Variants in MIA2 observed in about 807,000 individuals in gnomAD.
MIA2 encodes MIA SH3 domain ER export factor 2, also known as melanoma inhibitory activity protein 2.
In MIA2, 127 loss-of-function variants were observed where a neutral mutation model predicts 167.8. That is an observed-to-expected ratio of 0.76 (90% CI 0.66 to 0.88). The LOEUF (loss-of-function observed/expected upper bound fraction) is 0.88, where lower values mean the gene tolerates loss of function less well. Ranked by LOEUF, MIA2 falls within the 40% of genes least tolerant of loss-of-function variation. The probability of loss-of-function intolerance (pLI) is 0.00; values close to 1 mark genes in which losing one functional copy is unlikely to be tolerated. For synonymous variants in MIA2, 552 were observed against 541.9 expected (o/e 1.02, Z -0.26); for missense variants, 1,690 against 1,624.7 (o/e 1.04, Z -0.69).
At position 39,326,958 on chromosome 14, in the gene MIA2, C is replaced by G. The variant is rs913371645; in HGVS notation, c.3591C>G (p.Pro1197=). The G allele has an allele frequency of 8.8e-6, 14 of 1,586,196 alleles. No homozygotes were observed. Among genetic ancestry groups the G allele is most frequent in the African/African-American group, 1.4e-5 (1 of 73,084 alleles). ...CDRLTDPHRA[P]SDTGSLSPPW... is the part of the protein sequence containing the mutation. ...GGTTAACCGATCCTCATAGGGCTCC[C>G]TCTGACACTGGGTCTCTGTCACCTC... Residue 1197 remains proline, a synonymous_variant, in exon 25 of 29, where the codon CCC becomes CCG. Transcript: ENST00000640607.
At chr14:39,339,357 ACTT>A (rs2071254329) in intron 25 of MIA2, among the ~76,000 whole-genome samples, 1 of 152,134 alleles carries the variant, frequency 6.6e-6, no homozygotes, top group East Asian at 1.9e-4. Context: ...ATTGATAACT[ACTT>A]CTACTGTAGC....
chr14:39,273,235 CT>C (rs35613060), intron 6 of MIA2, among the ~76,000 whole-genome samples: 50,926 of 131,888 alleles, frequency 0.39, 9,164 homozygotes, highest in East Asian at 0.53. Context: ...AGGAGAAAAG[CT>C]TTTTTTTTTT....
At chr14:39,374,697 T>A (rs958268019) in intron 23 of MIA2, among the ~76,000 whole-genome samples, 5 of 152,230 alleles carry the variant, frequency 3.3e-5, no homozygotes, top group African/African-American at 1.2e-4. Flanking sequence ...AAGGTATGTG[T>A]TCACATGGAA....
At chr14:39,341,596 T>A (rs529083348) in intron 25 of MIA2, among the ~76,000 whole-genome samples, 50 of 152,254 alleles carry the variant, frequency 3.3e-4, no homozygotes, top group African/African-American at 1.2e-3. Context: ...TCCAGTTGTT[T>A]CAATTTTCTT....
intron 2 of MIA2, among the ~76,000 whole-genome samples, chr14:39,237,630 G>A (rs1057337020): frequency 6.6e-5 from 10 of 152,090 alleles, no homozygotes; most frequent in African/African-American, 2.4e-4. Context: ...TTTTTACATA[G>A]CATGCATTGT....
intron 24 of MIA2, among the ~76,000 whole-genome samples, chr14:39,323,067 A>G (rs1185775591): frequency 1.3e-5 from 2 of 152,222 alleles, no homozygotes; most frequent in African/African-American, 4.8e-5. Flanking sequence ...TGAAGCTGCC[A>G]TTACTCCACA....
chr14:39,283,546 C>CT (rs752556993), intron 9 of MIA2, among the ~76,000 whole-genome samples: 6 of 151,778 alleles, frequency 4.0e-5, no homozygotes, highest in African/African-American at 9.7e-5. Context: ...AAAGGGTTCC[C>CT]TTTTTTTTGT....
At chr14:39,373,754 G>C (rs1333116826) in intron 23 of MIA2, among the ~76,000 whole-genome samples, 2 of 152,216 alleles carry the variant, frequency 1.3e-5, no homozygotes, top group African/African-American at 2.4e-5. Flanking sequence ...CTGGGAGGCA[G>C]AGGTTGCAGT....
rs535605049 is a variant in MIA2 at position 39,329,074 on chromosome 14, G to T, written c.3655+2052G>T. Among the ~76,000 whole-genome samples, 11 of 152,240 alleles carry T rather than the reference G, an allele frequency of 7.2e-5. No homozygotes were observed. In the South Asian group the frequency reaches 2.3e-3, roughly 32 times the overall value. On this transcript the variant is annotated intron_variant, in intron 25 of 28. Coordinates refer to ENST00000640607, the MANE Select transcript of MIA2 (RefSeq NM_001329214.4). ...CTTTGGGTAGTATGGCCATTTTCAC[G>T]ATATTGATTCTTCATATCCATGAGC...
At chr14:39,320,384 G>A (rs1179955699) in intron 23 of MIA2, among the ~76,000 whole-genome samples, 1 of 152,104 alleles carries the variant, frequency 6.6e-6, no homozygotes, top group African/African-American at 2.4e-5. Context: ...GTATTTGTAA[G>A]CTGACTTTTT....
intron 6 of MIA2, chr14:39,267,229 C>T: frequency 7.3e-7 from 1 of 1,367,204 alleles, no homozygotes; most frequent in Non-Finnish European, 9.4e-7. Context: ...CGGACCTGCG[C>T]TGCCTCGGGA....
intron 6 of MIA2, among the ~76,000 whole-genome samples, chr14:39,263,750 G>A (rs2055264912): frequency 6.6e-6 from 1 of 150,732 alleles, no homozygotes; most frequent in African/African-American, 2.4e-5. Context: ...TCCTGCCTTA[G>A]CTTCCCAAGT....
chr14:39,319,118 G>A, intron 22 of MIA2, 91 bp from the exon 23 acceptor site: 1 of 587,450 alleles, frequency 1.7e-6, no homozygotes, highest in Non-Finnish European at 3.0e-6. Context: ...TATTAAAATA[G>A]TGAAGAGCAG....
intron 6 of MIA2, among the ~76,000 whole-genome samples, chr14:39,258,226 A>C (rs1480217670): frequency 1.3e-5 from 2 of 152,194 alleles, no homozygotes; most frequent in Non-Finnish European, 2.9e-5. Context: ...TACACCAACC[A>C]ATCATAGATT....
chr14:39,317,451 A>T (rs764159561), intron 21 of MIA2, among the ~76,000 whole-genome samples: 1 of 152,150 alleles, frequency 6.6e-6, no homozygotes, highest in Non-Finnish European at 1.5e-5. Flanking sequence ...ACCCAATCAG[A>T]TAGAACCCAG....
intron 22 of MIA2, 22 bp from the exon 23 acceptor site, chr14:39,319,187 G>A: frequency 7.2e-7 from 1 of 1,385,454 alleles, no homozygotes; most frequent in Non-Finnish European, 9.9e-7. Context: ...GTAACTTAGA[G>A]ATGTTTGTTC....
At position 39,288,470 on chromosome 14, in the gene MIA2, TATATA is replaced by T. The variant is rs1470536687; in HGVS notation, c.2131-2548_2131-2544del. Reference sequence around the variant, plus strand: ...ATATATATATATATATATATATATATATATATTTTTTTTTTTTTTTTTGAGACGGA... The same window carrying T: ...ATATATATATATATATATATATATATTTTTTTTTTTTTTTTTTGAGACGGA... On this transcript the variant is annotated intron_variant, in intron 9 of 28. Transcript: ENST00000640607. Among the ~76,000 whole-genome samples, 155 of 41,556 alleles carry T rather than the reference TATATA, an allele frequency of 3.7e-3. 1 individual carries two copies. The highest frequency in any genetic ancestry group is 0.015 in the African/African-American group (98 of 6,708). The allele number at this position is 41,556 out of a possible 152,430, so 27.3% of individuals were successfully genotyped here.
At chr14:39,317,648 A>C (rs938151653) in intron 21 of MIA2, among the ~76,000 whole-genome samples, 1 of 152,186 alleles carries the variant, frequency 6.6e-6, no homozygotes, top group East Asian at 1.9e-4. Context: ...GGCCTTTTAC[A>C]TACATTACTT....
intron 6 of MIA2, among the ~76,000 whole-genome samples, chr14:39,263,820 G>T (rs2055271429): frequency 6.6e-6 from 1 of 151,946 alleles, no homozygotes. Flanking sequence ...TTTTAGTAGA[G>T]ACGGGGTTTC....
Sources: allele counts gnomAD v4.1 joint callset (sites outside exome capture counted in the v4.1 genomes callset), GRCh38; gene constraint gnomAD v4.1.1; transcripts MANE v1.5; gene names NCBI Gene and HGNC (gene_info 2026-07-23, HGNC 2026-07-21).